Variants in ABCA13 observed in about 807,000 individuals in gnomAD.
ABCA13 encodes ATP-binding cassette sub-family A member 13.
Under a neutral mutation model 478.7 loss-of-function variants are expected in ABCA13, and 476 were observed. The ratio of observed to expected loss-of-function variants is 0.99; its 90% CI spans 0.92 to 1.07. The LOEUF (loss-of-function observed/expected upper bound fraction) is 1.07. Among genes scored for constraint, ABCA13 ranks in the 50% least tolerant of loss-of-function variants. The pLI is 0.00. For missense variants in ABCA13, 6,060 were observed against 5,910.6 expected, an observed-to-expected ratio of 1.03 and a Z score of -0.83; for synonymous variants, 2,252 against 2,158.9, an observed-to-expected ratio of 1.04 and a Z score of -1.20.
At chr7:48,290,928 T>C (rs774807719) in intron 20 of ABCA13, among the ~76,000 whole-genome samples, 15 of 110,288 alleles carry the variant, frequency 1.4e-4, no homozygotes, top group Non-Finnish European at 2.3e-4. Flanking sequence ...TTTAGAGAGC[T>C]TCACACTCAG....
intron 44 of ABCA13, among the ~76,000 whole-genome samples, chr7:48,468,674 A>G (rs1321355280): frequency 1.3e-5 from 2 of 152,194 alleles, no homozygotes; most frequent in Non-Finnish European, 2.9e-5. Context: ...TGATATCTAC[A>G]TTTTACCTCC....
intron 44 of ABCA13, among the ~76,000 whole-genome samples, chr7:48,468,120 G>C (rs1334843902): frequency 1.4e-5 from 2 of 147,914 alleles, no homozygotes; most frequent in African/African-American, 4.9e-5. Flanking sequence ...GAACCAGTTA[G>C]AAAAAAAAAA....
At chr7:48,287,188 G>T (rs554790391) in intron 19 of ABCA13, among the ~76,000 whole-genome samples, 1 of 152,222 alleles carries the variant, frequency 6.6e-6, no homozygotes, top group East Asian at 1.9e-4. Context: ...TGGCCTTGAG[G>T]AGACAGGAGG....
chr7:48,457,475 C>T (rs1000830931), intron 43 of ABCA13, among the ~76,000 whole-genome samples: 3 of 151,964 alleles, frequency 2.0e-5, no homozygotes, highest in Non-Finnish European at 2.9e-5. Context: ...GTTAATTTGG[C>T]GATTATGTTT....
chr7:48,550,601 ATG>A (rs2131190634), intron 55 of ABCA13, among the ~76,000 whole-genome samples: 1 of 151,788 alleles, frequency 6.6e-6, no homozygotes, highest in Admixed American at 6.6e-5. Context: ...CTCTTAATTT[ATG>A]TGTGTGTTGT....
chr7:48,507,835 C>T (rs868211333), intron 49 of ABCA13, 37 bp from the exon 50 acceptor site: 22 of 1,543,476 alleles, frequency 1.4e-5, no homozygotes, highest in South Asian at 3.6e-5. Context: ...TTGTGTTCTT[C>T]GTCAGGTGCC....
At chr7:48,325,076 G>C (rs1804119359) in intron 27 of ABCA13, among the ~76,000 whole-genome samples, 1 of 152,146 alleles carries the variant, frequency 6.6e-6, no homozygotes, top group South Asian at 2.1e-4. Flanking sequence ...TCTGACAATA[G>C]TTTGCTCTCA....
chr7:48,391,351 A>C (rs188861148), intron 37 of ABCA13, among the ~76,000 whole-genome samples: 78 of 152,364 alleles, frequency 5.1e-4, no homozygotes, highest in African/African-American at 1.8e-3. Context: ...GTTCAGACTT[A>C]CAATGGTTCA....
intron 41 of ABCA13, among the ~76,000 whole-genome samples, chr7:48,421,027 A>G (rs1174713343): frequency 1.3e-5 from 2 of 152,098 alleles, no homozygotes; most frequent in Admixed American, 6.5e-5. Context: ...TGGTCAGGTT[A>G]TGCATTTTTA....
chr7:48,489,211 C>A, intron 47 of ABCA13, 25 bp from the exon 48 acceptor site: 1 of 1,559,088 alleles, frequency 6.4e-7, no homozygotes, highest in Non-Finnish European at 8.8e-7. Context: ...TCGTGAGAGC[C>A]ATTAAATTAT....
chr7:48,571,324 C>A (rs1382922343), intron 55 of ABCA13, among the ~76,000 whole-genome samples: 1 of 152,130 alleles, frequency 6.6e-6, no homozygotes, highest in Non-Finnish European at 1.5e-5. Context: ...TAGTACTTTT[C>A]ATTTCAGCTT....
At chr7:48,621,297 C>T (rs575675050) in intron 59 of ABCA13, among the ~76,000 whole-genome samples, 3 of 152,274 alleles carry the variant, frequency 2.0e-5, no homozygotes, top group Admixed American at 6.5e-5. Context: ...AAGATCTGTT[C>T]GTAGAGTGTT....
chr7:48,254,728 C>T (rs956446659), intron 15 of ABCA13, among the ~76,000 whole-genome samples: 3 of 152,108 alleles, frequency 2.0e-5, no homozygotes, highest in Non-Finnish European at 4.4e-5. Flanking sequence ...TTTGTGAGAG[C>T]TCAATTGTTT....
chr7:48,383,894 A>T (rs542091093), intron 35 of ABCA13, among the ~76,000 whole-genome samples: 1 of 152,348 alleles, frequency 6.6e-6, no homozygotes, highest in East Asian at 1.9e-4. Context: ...AGTACTGTTA[A>T]TGGCTGCTCA....
intron 55 of ABCA13, among the ~76,000 whole-genome samples, chr7:48,530,576 A>G (rs1213811377): frequency 6.6e-6 from 1 of 152,170 alleles, no homozygotes; most frequent in African/African-American, 2.4e-5. Flanking sequence ...ACTGTTTTCT[A>G]TAGTGGTTGT....
At chr7:48,445,309 T>C (rs931517159) in intron 42 of ABCA13, among the ~76,000 whole-genome samples, 12 of 152,152 alleles carry the variant, frequency 7.9e-5, no homozygotes, top group Non-Finnish European at 1.6e-4. Flanking sequence ...GTGCCCGGCC[T>C]AGCCAAGTCT....
chr7:48,642,231 C>T (rs982028516), intron 59 of ABCA13, among the ~76,000 whole-genome samples: 6 of 152,136 alleles, frequency 3.9e-5, no homozygotes, highest in African/African-American at 9.7e-5. Context: ...CAAGGGTGAT[C>T]TATGTCACTG....
At chr7:48,246,053 T>C in intron 13 of ABCA13, 23 bp downstream of exon 13, 3 of 1,597,644 alleles carry the variant, frequency 1.9e-6, no homozygotes, top group South Asian at 2.3e-5. Flanking sequence ...CCATCTTAGC[T>C]CTTCTAAGGG....
intron 14 of ABCA13, among the ~76,000 whole-genome samples, chr7:48,248,693 A>C (rs1792072904): frequency 6.6e-6 from 1 of 152,200 alleles, no homozygotes; most frequent in African/African-American, 2.4e-5. Flanking sequence ...ATCCCTGGTA[A>C]GTCCAAGGTA....
Sources: gnomAD v4.1 joint callset for allele counts (sites outside exome capture counted in the v4.1 genomes callset) on GRCh38, gnomAD v4.1.1 for gene constraint, MANE v1.5 for transcripts, NCBI Gene and HGNC (gene_info 2026-07-23, HGNC 2026-07-21) for gene names.